Variants in LRRC4C observed in about 807,000 individuals in gnomAD.
The protein encoded by LRRC4C is leucine rich repeat containing 4C, also known as leucine-rich repeat-containing protein 4C.
In LRRC4C, 5 loss-of-function variants were observed where a neutral mutation model predicts 33.6. That is an observed-to-expected ratio of 0.15 (90% CI 0.08 to 0.31). The LOEUF (loss-of-function observed/expected upper bound fraction) is 0.31, where lower values mean the gene tolerates loss of function less well. LRRC4C is among the 10% of genes least tolerant of loss of function. The pLI is 1.00. For missense variants in LRRC4C, 560 were observed against 796.7 expected (o/e 0.70, Z 3.58); for synonymous variants, 329 against 302.0 (o/e 1.09, Z -0.93).
intron 2 of LRRC4C, among the ~76,000 whole-genome samples, chr11:40,727,155 A>G (rs1358046423): frequency 1.3e-5 from 2 of 152,132 alleles, no homozygotes; most frequent in Middle Eastern, 3.2e-3. Context: ...CACATTTACC[A>G]TACTTCAAAC....
chr11:41,244,500 C>T (rs1948376657), intron 1 of LRRC4C, among the ~76,000 whole-genome samples: 1 of 152,052 alleles, frequency 6.6e-6, no homozygotes, highest in Non-Finnish European at 1.5e-5. Flanking sequence ...ACACTGATTG[C>T]TATTAATGCT....
chr11:40,670,755 T>C (rs572038491), intron 2 of LRRC4C, among the ~76,000 whole-genome samples: 119 of 152,198 alleles, frequency 7.8e-4, no homozygotes, highest in African/African-American at 2.8e-3. Flanking sequence ...ACTTTTTGTT[T>C]GTTTGTTTGT....
At chr11:41,297,778 C>A (rs1950182801) in intron 1 of LRRC4C, among the ~76,000 whole-genome samples, 1 of 151,994 alleles carries the variant, frequency 6.6e-6, no homozygotes. Context: ...GTTAAGGATC[C>A]TTTTCAATAT....
intron 3 of LRRC4C, among the ~76,000 whole-genome samples, chr11:40,590,143 A>G (rs2135726158): frequency 6.6e-6 from 1 of 151,708 alleles, no homozygotes; most frequent in Non-Finnish European, 1.5e-5. Context: ...GTCTTTTCAC[A>G]TAGTCCCATA....
intron 3 of LRRC4C, among the ~76,000 whole-genome samples, chr11:40,516,524 C>CT (rs1177471452): frequency 6.6e-6 from 1 of 152,082 alleles, no homozygotes; most frequent in Non-Finnish European, 1.5e-5. Flanking sequence ...TGTCCACTCT[C>CT]TGTCTCTCTT....
At chr11:40,830,447 C>T (rs1392417626) in intron 2 of LRRC4C, among the ~76,000 whole-genome samples, 1 of 152,022 alleles carries the variant, frequency 6.6e-6, no homozygotes, top group Admixed American at 6.6e-5. Context: ...TTTAGGTTTT[C>T]TAAGAGAAAT....
chr11:40,483,239 G>A (rs143672030), intron 3 of LRRC4C, among the ~76,000 whole-genome samples: 2 of 152,174 alleles, frequency 1.3e-5, no homozygotes, highest in Non-Finnish European at 2.9e-5. Context: ...ACTGAGGCTG[G>A]AGACAAAGCT....
chr11:40,586,790 T>A (rs962314617), intron 3 of LRRC4C, among the ~76,000 whole-genome samples: 4 of 152,154 alleles, frequency 2.6e-5, no homozygotes, highest in African/African-American at 9.6e-5. Flanking sequence ...GTTGTATATA[T>A]GCGGCGTTAT....
In LRRC4C at chr11:40,114,782, G is replaced by A. The variant is rs772990005; in HGVS notation, c.1511C>T (p.Thr504Ile). 1 of 1,614,118 alleles carries A rather than the reference G, an allele frequency of 6.2e-7. No individual in the cohort carries two copies. Among genetic ancestry groups the A allele is most frequent in the Non-Finnish European group, 8.5e-7 (1 of 1,180,020 alleles). ...TATATCAGTCACTGGGATGGTGAAG[G>A]TTTTCTCTGTCGACCTTGTGCTCTG... ...TPQSTRSTEK[T>I]FTIPVTDINS... The change falls in exon 7 of 7, where the codon ACC (threonine) becomes ATC (isoleucine). Residue 504 changes from threonine to isoleucine, a missense_variant. Thr to Ile is a moderately conservative substitution (Grantham distance 89). Coordinates refer to ENST00000528697, the MANE Select transcript of LRRC4C (RefSeq NM_001258419.2).
At chr11:40,135,044 A>G (rs1035518622) in intron 6 of LRRC4C, among the ~76,000 whole-genome samples, 1 of 152,216 alleles carries the variant, frequency 6.6e-6, no homozygotes, top group Non-Finnish European at 1.5e-5. Context: ...TTTAATCAGA[A>G]TGCAGATAGC....
At position 40,126,463 on chromosome 11, in the gene LRRC4C, G is replaced by A. The variant is rs531006060; in HGVS notation, c.-42-10129C>T. ...GTCATGTGCTGGAGTGTATAATAAG[G>A]ATTGTAAGAGAGGTAAATTACCTAT... On this transcript the variant is annotated intron_variant, in intron 6 of 6. Transcript: ENST00000528697. 2.6e-5 allele frequency among the ~76,000 whole-genome samples: 4 copies of A among 152,262 alleles called. No individual in the cohort carries two copies. The East Asian group carries it at 5.8e-4, about 22-fold the overall frequency.
intron 3 of LRRC4C, among the ~76,000 whole-genome samples, chr11:40,457,161 T>TTA (rs1198073449): frequency 2.5e-4 from 38 of 150,728 alleles, no homozygotes; most frequent in African/African-American, 8.0e-4. Context: ...CAATTTTTTT[T>TTA]AAAAAAAAGA....
chr11:40,130,548 T>C (rs1590457605), intron 6 of LRRC4C, among the ~76,000 whole-genome samples: 1 of 152,238 alleles, frequency 6.6e-6, no homozygotes. Context: ...CATCAATAGT[T>C]CCCCAGTGCC....
intron 3 of LRRC4C, among the ~76,000 whole-genome samples, chr11:40,514,972 A>C (rs1329080132): frequency 6.6e-6 from 1 of 152,092 alleles, no homozygotes; most frequent in Non-Finnish European, 1.5e-5. Context: ...ACTAAACTAA[A>C]ACATCCACAC....
At chr11:40,709,635 A>G (rs1322805646) in intron 2 of LRRC4C, among the ~76,000 whole-genome samples, 1 of 152,042 alleles carries the variant, frequency 6.6e-6, no homozygotes, top group East Asian at 1.9e-4. Context: ...GCTGCCCTTA[A>G]TATTTTTTCC....
chr11:40,722,113 C>T (rs916769565), intron 2 of LRRC4C, among the ~76,000 whole-genome samples: 14 of 152,030 alleles, frequency 9.2e-5, no homozygotes, highest in Admixed American at 2.6e-4. Flanking sequence ...AAATTGCTAG[C>T]GCTTCTATTT....
At chr11:40,596,661 G>A (rs1207182491) in intron 3 of LRRC4C, among the ~76,000 whole-genome samples, 1 of 151,576 alleles carries the variant, frequency 6.6e-6, no homozygotes, top group East Asian at 1.9e-4. Flanking sequence ...ATTTTCATGG[G>A]TTCAATTAAA....
At chr11:41,359,523 T>C (rs1158560217) in intron 1 of LRRC4C, among the ~76,000 whole-genome samples, 1 of 151,860 alleles carries the variant, frequency 6.6e-6, no homozygotes, top group East Asian at 1.9e-4. Context: ...TAAGTGTTTG[T>C]TTTTTTTGTT....
At chr11:40,924,953 T>C (rs1457802847) in intron 2 of LRRC4C, among the ~76,000 whole-genome samples, 1 of 152,178 alleles carries the variant, frequency 6.6e-6, no homozygotes, top group Non-Finnish European at 1.5e-5. Flanking sequence ...TTACACATCA[T>C]TTTTGAAAGG....
Sources: allele counts gnomAD v4.1 joint callset (sites outside exome capture counted in the v4.1 genomes callset), GRCh38; gene constraint gnomAD v4.1.1; transcripts MANE v1.5; gene names NCBI Gene and HGNC (gene_info 2026-07-23, HGNC 2026-07-21).